The following MACROD2 variants were observed in gnomAD, a reference collection of about 807,000 sequenced individuals.
MACROD2 encodes the protein ADP-ribose glycohydrolase MACROD2.
Under a neutral mutation model 70.4 loss-of-function variants are expected in MACROD2, and 36 were observed. The ratio of observed to expected loss-of-function variants is 0.51; its 90% CI spans 0.39 to 0.68. The LOEUF (loss-of-function observed/expected upper bound fraction) is 0.68. Ranked by LOEUF, MACROD2 falls within the 30% of genes least tolerant of loss-of-function variation. The pLI is 0.00. For synonymous variants in MACROD2, 172 were observed against 178.8 expected, an observed-to-expected ratio of 0.96 and a Z score of 0.30; for missense variants, 496 against 538.4, an observed-to-expected ratio of 0.92 and a Z score of 0.78.
chr20:14,088,552 A>G (rs1046581938), intron 3 of MACROD2, among the ~76,000 whole-genome samples: 3 of 152,148 alleles, frequency 2.0e-5, no homozygotes, highest in African/African-American at 7.2e-5. Flanking sequence ...GTCCTGAGGA[A>G]GTACAATTGA....
At chr20:14,169,310 G>T (rs557792280) in intron 3 of MACROD2, among the ~76,000 whole-genome samples, 12 of 144,116 alleles carry the variant, frequency 8.3e-5, no homozygotes, top group African/African-American at 1.9e-4. Context: ...ACTTTTTTTT[G>T]GGGGGGGGCG....
intron 4 of MACROD2, among the ~76,000 whole-genome samples, chr20:14,551,825 C>T (rs1242949279): frequency 6.6e-6 from 1 of 152,110 alleles, no homozygotes; most frequent in Non-Finnish European, 1.5e-5. Context: ...ATGGTGTTTT[C>T]CTGAGCTGTT....
At chr20:15,053,269 T>A (rs2075457198) in intron 5 of MACROD2, among the ~76,000 whole-genome samples, 1 of 152,168 alleles carries the variant, frequency 6.6e-6, no homozygotes, top group African/African-American at 2.4e-5. Context: ...TGAAACAGCG[T>A]TATATTGGAA....
intron 4 of MACROD2, among the ~76,000 whole-genome samples, chr20:14,558,395 A>G: frequency 6.6e-6 from 1 of 151,830 alleles, no homozygotes; most frequent in East Asian, 1.9e-4. Context: ...TAAAAGACAG[A>G]TTTTGACATA....
At chr20:15,382,622 AT>A (rs2045659209) in intron 6 of MACROD2, among the ~76,000 whole-genome samples, 1 of 152,222 alleles carries the variant, frequency 6.6e-6, no homozygotes, top group Non-Finnish European at 1.5e-5. Flanking sequence ...TTTAATATAA[AT>A]ATTCTTTTGG....
intron 5 of MACROD2, among the ~76,000 whole-genome samples, chr20:15,086,815 A>G (rs747532416): frequency 2.0e-5 from 3 of 152,140 alleles, no homozygotes; most frequent in Non-Finnish European, 4.4e-5. Context: ...TATCTCTAAT[A>G]TTAGTTCAAG....
chr20:15,786,917 A>C (rs2051938444), intron 8 of MACROD2, among the ~76,000 whole-genome samples: 2 of 152,184 alleles, frequency 1.3e-5, no homozygotes, highest in African/African-American at 4.8e-5. Context: ...TAAGTGTCCC[A>C]ATTTTTGTAT....
At chr20:14,708,950 T>C (rs1183568486) in intron 5 of MACROD2, among the ~76,000 whole-genome samples, 3 of 152,118 alleles carry the variant, frequency 2.0e-5, no homozygotes, top group African/African-American at 7.2e-5. Context: ...ATTTCTTATC[T>C]AGTGATCATC....
chr20:14,153,321 A>T (rs940507149), intron 3 of MACROD2, among the ~76,000 whole-genome samples: 1 of 152,218 alleles, frequency 6.6e-6, no homozygotes, highest in African/African-American at 2.4e-5. Context: ...AAACCGTCCT[A>T]GTGGGTGTCA....
chr20:15,557,076 G>T (rs967631003), intron 8 of MACROD2, among the ~76,000 whole-genome samples: 2 of 152,082 alleles, frequency 1.3e-5, no homozygotes, highest in Admixed American at 6.5e-5. Context: ...AGAGGAATTG[G>T]CAGCAACATA....
chr20:15,420,718 C>T (rs895202529), intron 6 of MACROD2, among the ~76,000 whole-genome samples: 5 of 151,850 alleles, frequency 3.3e-5, no homozygotes, highest in African/African-American at 9.7e-5. Flanking sequence ...CTTCTTTAAC[C>T]TAATGGTTAA....
At chr20:15,473,516 T>TC (rs35247598) in intron 7 of MACROD2, among the ~76,000 whole-genome samples, 1 of 152,046 alleles carries the variant, frequency 6.6e-6, no homozygotes, top group African/African-American at 2.4e-5. Context: ...CCTGAAGACA[T>TC]CCCCCCAGGA....
chr20:16,002,303 T>A (rs2066720356), intron 15 of MACROD2, among the ~76,000 whole-genome samples: 1 of 152,054 alleles, frequency 6.6e-6, no homozygotes, highest in African/African-American at 2.4e-5. Context: ...AGAACAATGG[T>A]CCCCCAAAGG....
chr20:14,319,285 C>T (rs900959548), intron 3 of MACROD2, among the ~76,000 whole-genome samples: 5 of 152,102 alleles, frequency 3.3e-5, no homozygotes, highest in African/African-American at 9.7e-5. Context: ...TGTAGCTTCT[C>T]GGTCTTTATT....
intron 4 of MACROD2, among the ~76,000 whole-genome samples, chr20:14,602,986 C>T (rs950733238): frequency 6.6e-6 from 1 of 152,066 alleles, no homozygotes; most frequent in Non-Finnish European, 1.5e-5. Flanking sequence ...CCAGCATTAC[C>T]CAATTACATC....
intron 3 of MACROD2, among the ~76,000 whole-genome samples, chr20:14,150,613 C>G (rs2055005981): frequency 1.3e-5 from 2 of 152,080 alleles, no homozygotes; most frequent in Non-Finnish European, 2.9e-5. Context: ...AGTACAGATA[C>G]AGAATTTTAT....
chr20:14,297,850 A>G (rs1291933440), intron 3 of MACROD2, among the ~76,000 whole-genome samples: 5 of 151,868 alleles, frequency 3.3e-5, no homozygotes, highest in Non-Finnish European at 1.5e-5. Flanking sequence ...TTTCATAGAG[A>G]GGGGAAGTCA....
At chr20:14,693,747 G>T (rs1164111069) in intron 5 of MACROD2, among the ~76,000 whole-genome samples, 1 of 152,180 alleles carries the variant, frequency 6.6e-6, no homozygotes, top group African/African-American at 2.4e-5. Flanking sequence ...ATGCATAAAT[G>T]CAGAGTGTTG....
intron 5 of MACROD2, among the ~76,000 whole-genome samples, chr20:15,072,885 G>A (rs2075629450): frequency 6.6e-6 from 1 of 152,168 alleles, no homozygotes; most frequent in Non-Finnish European, 1.5e-5. Flanking sequence ...GGTGTTGGAA[G>A]ATGGGGCCTA....
Sources: gnomAD v4.1 joint callset for allele counts (sites outside exome capture counted in the v4.1 genomes callset) on GRCh38, gnomAD v4.1.1 for gene constraint, MANE v1.5 for transcripts, NCBI Gene and HGNC (gene_info 2026-07-23, HGNC 2026-07-21) for gene names.